Variants in MXD4 observed in about 807,000 individuals in gnomAD.
MXD4 encodes the protein Mad4 homolog.
In MXD4, 16 loss-of-function variants were observed where a neutral mutation model predicts 24.5. The observed-to-expected ratio is 0.65, with a 90% CI of 0.44 to 0.99. The LOEUF (loss-of-function observed/expected upper bound fraction) is 0.99. Ranked by LOEUF, MXD4 falls within the 50% of genes least tolerant of loss-of-function variation. The probability of loss-of-function intolerance (pLI) is 0.00; values close to 1 mark genes in which losing one functional copy is unlikely to be tolerated. For missense variants in MXD4, 301 were observed against 301.5 expected, an observed-to-expected ratio of 1.00 and a Z score of 0.01; for synonymous variants, 164 against 134.2, an observed-to-expected ratio of 1.22 and a Z score of -1.54.
rs774216853 is a variant in MXD4 at position 2,261,899 on chromosome 4, A to G, written c.64+18T>C. On this transcript the variant is annotated intron_variant, in intron 1 of 5. Coordinates refer to ENST00000337190, the MANE Select transcript of MXD4 (RefSeq NM_006454.3). ...GCCCGCCCACCGCCGCGGGCGCACA[A>G]TGGGGTGCGAGCGCTACCTCGATCC... 7.3e-5 allele frequency: 104 copies of G among 1,432,860 alleles called. No homozygotes were observed. The highest frequency in any genetic ancestry group is 9.2e-5 in the Non-Finnish European group (101 of 1,091,914). 88.8% of individuals were successfully genotyped at this position (1,432,860 alleles called of 1,614,324 possible).
intron 3 of MXD4, among the ~76,000 whole-genome samples, chr4:2,257,608 G>A (rs775438094): frequency 1.1e-4 from 17 of 152,240 alleles, no homozygotes; most frequent in Non-Finnish European, 2.4e-4. Context: ...ACTCTAGCAC[G>A]GCTTCTTGGA....
chr4:2,249,342 A>G lies in MXD4; in HGVS notation c.*1202T>C, dbSNP rs1254676294. 1.3e-5 allele frequency: 2 copies of G among 152,672 alleles called. No homozygotes were observed. The highest frequency in any genetic ancestry group is 6.5e-5 in the Admixed American group (1 of 15,290). The allele number at this position is 152,672 out of a possible 1,614,324, so 9.5% of individuals were successfully genotyped here. A position where few individuals can be genotyped will look rare whatever the true frequency, so the allele number is the denominator to read the frequency against. ...CCACCCCTCAGCAAACAAGGACGCA[A>G]CAACAGCTAGGAAAATAGAATACAA... On this transcript the variant is annotated 3_prime_UTR_variant, in exon 6 of 6. Coordinates refer to ENST00000337190, the MANE Select transcript of MXD4 (RefSeq NM_006454.3).
At chr4:2,254,899 C>G (rs1221761266) in intron 3 of MXD4, 1 of 186,434 alleles carries the variant, frequency 5.4e-6, no homozygotes, top group African/African-American at 2.4e-5. Flanking sequence ...GGACACAGGT[C>G]TGAAGGGCCA....
intron 3 of MXD4, chr4:2,254,231 G>A (rs551725): frequency 3.9e-5 from 6 of 152,122 alleles, no homozygotes; most frequent in East Asian, 3.9e-4. Flanking sequence ...AAGTACCCCC[G>A]AATTCCACCA....
chr4:2,256,511 GCA>G (rs1000353867), intron 3 of MXD4, among the ~76,000 whole-genome samples: 1 of 152,198 alleles, frequency 6.6e-6, no homozygotes, highest in African/African-American at 2.4e-5. Context: ...AGAGCAGCTG[GCA>G]TCAGGTAGGC....
At chr4:2,252,271 C>T (rs1436713844) in intron 4 of MXD4, 137 bp downstream of exon 4, 2 of 694,786 alleles carry the variant, frequency 2.9e-6, no homozygotes, top group African/African-American at 3.5e-5. Flanking sequence ...CGACACACAC[C>T]CGCCAGATGG....
At position 2,250,526 on chromosome 4, in the gene MXD4, G is replaced by A. The variant is rs371550007; in HGVS notation, c.*18C>T. ...CGTGGCTGGCGGGCAGGCAGGCCAA[G>A]GAGCAGAGGGCACGGGCCTACGAGA... On this transcript the variant is annotated 3_prime_UTR_variant, in exon 6 of 6. Coordinates refer to ENST00000337190, the MANE Select transcript of MXD4 (RefSeq NM_006454.3). 459 of 1,546,688 alleles carry A rather than the reference G, an allele frequency of 3.0e-4. 1 individual carries two copies. In the African/African-American group the frequency reaches 5.3e-3, roughly 18 times the overall value.
intron 3 of MXD4, chr4:2,252,824 C>A (rs1247130156): frequency 5.9e-6 from 2 of 340,460 alleles, no homozygotes; most frequent in Non-Finnish European, 1.1e-5. Context: ...ATCCCCCATC[C>A]CCCATCCCCA....
intron 5 of MXD4, 50 bp from the exon 6 acceptor site, chr4:2,250,751 C>A: frequency 6.3e-7 from 1 of 1,578,530 alleles, no homozygotes; most frequent in Non-Finnish European, 8.6e-7. Flanking sequence ...AGGGTGCCAG[C>A]CCATTTCTCC....
chr4:2,261,621 G>A lies in MXD4; in HGVS notation c.164+104C>T, dbSNP rs908624743. Reference sequence around the variant, plus strand: ...GCTGGCCGCCGGGGCGCGCGGCGGCGGCGCTGAGGGCCGCGGGCCGGGAAT... The same window carrying A: ...GCTGGCCGCCGGGGCGCGCGGCGGCAGCGCTGAGGGCCGCGGGCCGGGAAT... On this transcript the variant is annotated intron_variant, in intron 2 of 5. Coordinates refer to ENST00000337190, the MANE Select transcript of MXD4 (RefSeq NM_006454.3). 49 of 587,156 alleles carry A rather than the reference G, an allele frequency of 8.3e-5. 1 individual carries two copies. Among genetic ancestry groups the A allele is most frequent in the Non-Finnish European group, 1.0e-4 (47 of 451,182 alleles). 36.4% of individuals were successfully genotyped at this position (587,156 alleles called of 1,614,324 possible).
intron 4 of MXD4, among the ~76,000 whole-genome samples, chr4:2,251,902 CAA>C (rs1223070594): frequency 6.6e-6 from 1 of 152,212 alleles, no homozygotes; most frequent in Non-Finnish European, 1.5e-5. Flanking sequence ...ACAGGGCTGT[CAA>C]AAGTCCTTTG....
chr4:2,251,875 A>T (rs1177004768), intron 4 of MXD4, among the ~76,000 whole-genome samples: 1 of 152,214 alleles, frequency 6.6e-6, no homozygotes, highest in African/African-American at 2.4e-5. Flanking sequence ...TCCAAATGTC[A>T]CAAGGCCCCC....
Position 2,247,572 on chromosome 4 carries a change from C to G in MXD4, c.*2972G>C, listed in dbSNP as rs1202162966. 1 of 152,310 alleles carries G rather than the reference C, an allele frequency of 6.6e-6. No homozygotes were observed. Among genetic ancestry groups the G allele is most frequent in the Non-Finnish European group, 1.5e-5 (1 of 68,118 alleles). 9.4% of individuals were successfully genotyped at this position (152,310 alleles called of 1,614,324 possible). On this transcript the variant is annotated 3_prime_UTR_variant, in exon 6 of 6. Transcript: ENST00000337190. ...CACCAGGCCCTCGTGTGGCCCCCGA[C>G]TCTGGCACGGAACCTGCCCTAGTGC...
At chr4:2,259,040 G>GGCTGCCTGTGCCTGGGAGGCTCCC in intron 2 of MXD4, 1 of 444,502 alleles carries the variant, frequency 2.2e-6, no homozygotes, top group Non-Finnish European at 4.5e-6. Context: ...CAGGGCTCCC[G>GGCTGCCTGTGCCTGGGAGGCTCCC]GGCCTCCCAG....
intron 2 of MXD4, among the ~76,000 whole-genome samples, chr4:2,259,724 T>C (rs539642967): frequency 6.6e-6 from 1 of 152,172 alleles, no homozygotes; most frequent in South Asian, 2.1e-4. Flanking sequence ...AGGGGGATGT[T>C]TGCAACATGG....
At position 2,261,987 on chromosome 4, in the gene MXD4, G is replaced by A. The variant is rs1431241878; in HGVS notation, c.-7C>T. Reference sequence around the variant, plus strand: ...GCAGGGAGTTCAGCTCCATCCTCCCGCCCGCGCCCGTCCGCCCCGGGACGG... The same window carrying A: ...GCAGGGAGTTCAGCTCCATCCTCCCACCCGCGCCCGTCCGCCCCGGGACGG... On this transcript the variant is annotated 5_prime_UTR_variant, in exon 1 of 6. Coordinates refer to ENST00000337190, the MANE Select transcript of MXD4 (RefSeq NM_006454.3). 4 of 1,319,140 alleles carry A rather than the reference G, an allele frequency of 3.0e-6. No individual in the cohort carries two copies. The highest frequency in any genetic ancestry group is 1.5e-5 in the African/African-American group (1 of 65,126). The allele number at this position is 1,319,140 out of a possible 1,614,324, so 81.7% of individuals were successfully genotyped here.
chr4:2,261,781 G>A lies in MXD4; in HGVS notation c.108C>T (p.Asp36=). 1 of 1,431,798 alleles carries A rather than the reference G, an allele frequency of 7.0e-7. No homozygotes were observed. The highest frequency in any genetic ancestry group is 9.2e-7 in the Non-Finnish European group (1 of 1,085,220). 88.7% of individuals were successfully genotyped at this position (1,431,798 alleles called of 1,614,324 possible). A position where few individuals can be genotyped will look rare whatever the true frequency, so the allele number is the denominator to read the frequency against. The change falls in exon 2 of 6, where the codon GAC becomes GAT. Residue 36 remains aspartate (D), a synonymous_variant. Transcript: ENST00000337190. ...CCGCCTTTGTTTTCTCCCTGGCGAA[G>A]TCGCCGTCGAAGGGCAGCACCGAGG... The part of the protein sequence containing the change: ...GYASVLPFDG[D]FAREKTKAAG...
At chr4:2,261,658 G>C in intron 2 of MXD4, 67 bp downstream of exon 2, 1 of 989,274 alleles carries the variant, frequency 1.0e-6, no homozygotes, top group East Asian at 4.3e-5. Flanking sequence ...GGGGCCCGGA[G>C]AGCACGCTCC....
At position 2,250,396 on chromosome 4, in the gene MXD4, G is replaced by A; in HGVS notation, c.*148C>T. On this transcript the variant is annotated 3_prime_UTR_variant, in exon 6 of 6. Transcript: ENST00000337190. The stretch of plus-strand genomic sequence containing the variant: ...CTCGGCAGGCCCTGACCGGCAAGCG[G>A]GCAGTGCCAGGCAGCCCAGCAGCAG... 9.1e-7 allele frequency: 1 copy of A among 1,094,304 alleles called. No homozygotes were observed. The highest frequency in any genetic ancestry group is 1.3e-6 in the Non-Finnish European group (1 of 791,718). The allele number at this position is 1,094,304 out of a possible 1,614,324, so 67.8% of individuals were successfully genotyped here.
Sources: allele counts gnomAD v4.1 joint callset (sites outside exome capture counted in the v4.1 genomes callset), GRCh38; gene constraint gnomAD v4.1.1; transcripts MANE v1.5; gene names NCBI Gene and HGNC (gene_info 2026-07-23, HGNC 2026-07-21).